The following TMEM132D variants were observed in gnomAD, a reference collection of about 807,000 sequenced individuals.
The protein encoded by TMEM132D is transmembrane protein 132D, also known as mature OL transmembrane protein.
Under a neutral mutation model 62.3 loss-of-function variants are expected in TMEM132D, and 21 were observed. The observed-to-expected ratio is 0.34, with a 90% CI of 0.24 to 0.49. The LOEUF is 0.49. TMEM132D is among the 20% of genes least tolerant of loss of function. The probability of loss-of-function intolerance (pLI) is 0.99; values close to 1 mark genes in which losing one functional copy is unlikely to be tolerated. For synonymous variants in TMEM132D, 621 were observed against 575.6 expected (o/e 1.08, Z -1.13); for missense variants, 1,346 against 1,402.8 (o/e 0.96, Z 0.65).
chr12:129,611,512 G>T (rs1878773836), intron 2 of TMEM132D, among the ~76,000 whole-genome samples: 1 of 152,044 alleles, frequency 6.6e-6, no homozygotes, highest in African/African-American at 2.4e-5. Flanking sequence ...GGGGCCCAAG[G>T]CATATTTTAA....
chr12:129,419,618 G>C (rs1313389274), intron 3 of TMEM132D, among the ~76,000 whole-genome samples: 3 of 152,102 alleles, frequency 2.0e-5, no homozygotes, highest in Admixed American at 6.5e-5. Context: ...AGTTGCATAA[G>C]CTAATAATAT....
Position 129,459,287 on chromosome 12 carries a change from C to T in TMEM132D, c.1115+71772G>A, listed in dbSNP as rs147283879. On this transcript the variant is annotated intron_variant, in intron 3 of 8. Coordinates refer to ENST00000422113, the MANE Select transcript of TMEM132D (RefSeq NM_133448.3). ...GAAAGCATTTGTTTTGTGCAGTCTT[C>T]AGGTTTAGAAAATCTTTCCTCTTCT... is the stretch of plus-strand genomic sequence containing the variant. Among the ~76,000 whole-genome samples, 1,105 of 152,272 alleles carry T rather than the reference C, an allele frequency of 7.3e-3. 7 individuals are homozygous for T. Among genetic ancestry groups the T allele is most frequent in the Non-Finnish European group, 0.011 (772 of 68,022 alleles).
intron 3 of TMEM132D, among the ~76,000 whole-genome samples, chr12:129,367,952 A>G (rs934089806): frequency 6.6e-6 from 1 of 151,704 alleles, no homozygotes; most frequent in Non-Finnish European, 1.5e-5. Context: ...CGCCTGGCTA[A>G]TATTTGTATT....
At chr12:129,236,955 T>C (rs1261388617) in intron 4 of TMEM132D, among the ~76,000 whole-genome samples, 1 of 152,210 alleles carries the variant, frequency 6.6e-6, no homozygotes, top group Admixed American at 6.5e-5. Flanking sequence ...AATTTTCCAA[T>C]TGTTTTTTCC....
intron 1 of TMEM132D, among the ~76,000 whole-genome samples, chr12:129,728,459 C>A (rs1490849201): frequency 6.6e-6 from 1 of 152,176 alleles, no homozygotes; most frequent in Non-Finnish European, 1.5e-5. Flanking sequence ...TCTTCTAGAA[C>A]AATCAGCCAC....
chr12:129,298,620 C>A (rs143374642), intron 4 of TMEM132D, among the ~76,000 whole-genome samples: 2 of 152,338 alleles, frequency 1.3e-5, no homozygotes, highest in African/African-American at 4.8e-5. Flanking sequence ...ACCCCACAAT[C>A]TTTCTGTCTG....
At chr12:129,895,019 C>T (rs546131263) in intron 1 of TMEM132D, among the ~76,000 whole-genome samples, 18 of 152,268 alleles carry the variant, frequency 1.2e-4, no homozygotes, top group East Asian at 3.9e-4. Flanking sequence ...GAGGTTTGCG[C>T]GAAGGAGCTC....
intron 4 of TMEM132D, among the ~76,000 whole-genome samples, chr12:129,282,797 T>C (rs1881192014): frequency 6.6e-6 from 1 of 152,162 alleles, no homozygotes; most frequent in South Asian, 2.1e-4. Context: ...TGATAATCTA[T>C]TGGAGGACAT....
At chr12:129,612,463 T>A (rs1230830619) in intron 2 of TMEM132D, among the ~76,000 whole-genome samples, 1 of 152,110 alleles carries the variant, frequency 6.6e-6, no homozygotes, top group African/African-American at 2.4e-5. Flanking sequence ...AAATAAAAAA[T>A]CCTGTTAAAA....
intron 2 of TMEM132D, among the ~76,000 whole-genome samples, chr12:129,541,662 G>A (rs140350870): frequency 2.6e-5 from 4 of 152,312 alleles, no homozygotes; most frequent in East Asian, 3.9e-4. Flanking sequence ...TGATTGGGAT[G>A]TGGCGGCCTC....
At position 129,088,258 on chromosome 12, in the gene TMEM132D, G is replaced by A. The variant is rs1393204835; in HGVS notation, c.1444-3556C>T. 5.7e-5 allele frequency among the ~76,000 whole-genome samples: 2 copies of A among 34,970 alleles called. 1 individual carries two copies. The highest frequency in any genetic ancestry group is 5.8e-4 in the Admixed American group (2 of 3,452). 22.9% of individuals were successfully genotyped at this position (34,970 alleles called of 152,430 possible). ...CATGACCGGGGTGTCCTCTATGACT[G>A]GGTGTCCTCCCTGACCGGGGTGTCC... is the stretch of plus-strand genomic sequence containing the variant. On this transcript the variant is annotated intron_variant, in intron 5 of 8. Coordinates refer to ENST00000422113, the MANE Select transcript of TMEM132D (RefSeq NM_133448.3).
intron 2 of TMEM132D, among the ~76,000 whole-genome samples, chr12:129,560,227 G>A (rs960469931): frequency 6.6e-6 from 1 of 151,056 alleles, no homozygotes; most frequent in Admixed American, 6.6e-5. Flanking sequence ...TCTTCTTTGT[G>A]TCTGACACTT....
At chr12:129,674,266 C>G (rs1006517703) in intron 2 of TMEM132D, among the ~76,000 whole-genome samples, 1 of 152,174 alleles carries the variant, frequency 6.6e-6, no homozygotes, top group Non-Finnish European at 1.5e-5. Flanking sequence ...AGATCTGAAT[C>G]GAAGCAGTCT....
chr12:129,612,252 G>A (rs958213136), intron 2 of TMEM132D, among the ~76,000 whole-genome samples: 17 of 152,136 alleles, frequency 1.1e-4, no homozygotes, highest in Non-Finnish European at 1.9e-4. Flanking sequence ...GGAATTCCCT[G>A]TCCATCACTG....
intron 4 of TMEM132D, among the ~76,000 whole-genome samples, chr12:129,220,607 G>A (rs1015515068): frequency 6.6e-6 from 1 of 152,094 alleles, no homozygotes; most frequent in Non-Finnish European, 1.5e-5. Flanking sequence ...TTATAGTACA[G>A]AAACTCATGT....
At chr12:129,644,577 C>A (rs1879722117) in intron 2 of TMEM132D, among the ~76,000 whole-genome samples, 1 of 152,078 alleles carries the variant, frequency 6.6e-6, no homozygotes, top group South Asian at 2.1e-4. Context: ...ACTGCAGTTA[C>A]CATTTTACAG....
intron 2 of TMEM132D, among the ~76,000 whole-genome samples, chr12:129,647,790 G>A (rs552093337): frequency 1.8e-4 from 27 of 152,198 alleles, no homozygotes; most frequent in Non-Finnish European, 3.2e-4. Context: ...ATTTGTAGAA[G>A]ATCTTTAAGC....
At chr12:129,411,045 T>C (rs1871954644) in intron 3 of TMEM132D, among the ~76,000 whole-genome samples, 1 of 152,210 alleles carries the variant, frequency 6.6e-6, no homozygotes, top group African/African-American at 2.4e-5. Context: ...TTGTTGTTGT[T>C]TATAAATATG....
chr12:129,409,020 C>T (rs988160614), intron 3 of TMEM132D, among the ~76,000 whole-genome samples: 1 of 151,294 alleles, frequency 6.6e-6, no homozygotes, highest in Admixed American at 6.6e-5. Context: ...GCAACCTCTG[C>T]CTCCAGGGTT....
Sources: gnomAD v4.1 joint callset for allele counts (sites outside exome capture counted in the v4.1 genomes callset) on GRCh38, gnomAD v4.1.1 for gene constraint, MANE v1.5 for transcripts, NCBI Gene and HGNC (gene_info 2026-07-23, HGNC 2026-07-21) for gene names.